The following TIAM1 variants were observed in gnomAD, a reference collection of about 807,000 sequenced individuals.
The protein encoded by TIAM1 is rho guanine nucleotide exchange factor TIAM1.
A neutral mutation model predicts 163.5 loss-of-function variants in TIAM1; 65 were observed. The ratio of observed to expected loss-of-function variants is 0.40; its 90% CI spans 0.33 to 0.49. TIAM1 has a LOEUF of 0.49. TIAM1 is among the 20% of genes least tolerant of loss of function. The pLI, the probability that TIAM1 is intolerant of heterozygous loss-of-function variation, is 0.77. For missense variants in TIAM1, 1,789 were observed against 2,044.7 expected, an observed-to-expected ratio of 0.87 and a Z score of 2.41; for synonymous variants, 833 against 810.1, an observed-to-expected ratio of 1.03 and a Z score of -0.48.
intron 2 of TIAM1, among the ~76,000 whole-genome samples, chr21:31,337,540 T>TTATTATTATTAC (rs1284120464): frequency 6.6e-6 from 1 of 150,692 alleles, no homozygotes; most frequent in Non-Finnish European, 1.5e-5. Flanking sequence ...ATTATTATTA[T>TTATTATTATTAC]TATTATTTTG....
At position 31,387,611 on chromosome 21, in the gene TIAM1, C is replaced by T. The variant is rs375950498; in HGVS notation, c.-368-48189G>A. On this transcript the variant is annotated intron_variant, in intron 2 of 28. Coordinates refer to the TIAM1 transcript ENST00000286827. ...AAAAGAGGAATCAGTCCTTGTCCCACGGAGGTAGCCAGCAAGGATGAAGGG... is the reference window on the plus strand; with the variant it reads ...AAAAGAGGAATCAGTCCTTGTCCCATGGAGGTAGCCAGCAAGGATGAAGGG... Among the ~76,000 whole-genome samples the T allele has an allele frequency of 6.3e-4, 96 of 152,194 alleles. No individual in the cohort carries two copies. In the Middle Eastern group the frequency reaches 0.017, roughly 27 times the overall value.
intron 1 of TIAM1, among the ~76,000 whole-genome samples, chr21:31,521,745 A>AACACACACACACACACACACACACACAC (rs35006738): frequency 2.7e-5 from 4 of 146,862 alleles, no homozygotes; most frequent in Non-Finnish European, 6.0e-5. Context: ...CTCACACACA[A>AACACACACACACACACACACACACACAC]ACACACACAC....
intron 24 of TIAM1, 67 bp from the exon 25 acceptor site, chr21:31,130,382 T>C (rs1012040444): frequency 7.6e-7 from 1 of 1,308,062 alleles, no homozygotes; most frequent in Non-Finnish European, 1.1e-6. Context: ...TCCCTGCATT[T>C]TCTAAACCAG....
intron 1 of TIAM1, among the ~76,000 whole-genome samples, chr21:31,487,663 T>C (rs973013445): frequency 8.6e-5 from 13 of 151,212 alleles, no homozygotes; most frequent in Non-Finnish European, 1.8e-4. Context: ...GTTCACGCCA[T>C]TCTCCTGCCT....
intron 20 of TIAM1, among the ~76,000 whole-genome samples, chr21:31,145,262 G>A (rs552860412): frequency 3.3e-5 from 5 of 152,154 alleles, no homozygotes; most frequent in African/African-American, 7.2e-5. Flanking sequence ...TCTGGGGCAG[G>A]CTCTTTGTTA....
chr21:31,404,511 C>A (rs972361727), intron 2 of TIAM1, among the ~76,000 whole-genome samples: 9 of 150,828 alleles, frequency 6.0e-5, no homozygotes, highest in Non-Finnish European at 1.3e-4. Flanking sequence ...AAGTGTATGC[C>A]AAGCTAATGA....
chr21:31,367,794 T>C (rs894673020), intron 2 of TIAM1, among the ~76,000 whole-genome samples: 57 of 152,240 alleles, frequency 3.7e-4, no homozygotes, highest in African/African-American at 1.3e-3. Flanking sequence ...TGTGTGTTGG[T>C]ATTATATTTT....
chr21:31,305,756 C>A (rs908491893), intron 2 of TIAM1, among the ~76,000 whole-genome samples: 4 of 152,186 alleles, frequency 2.6e-5, no homozygotes, highest in Non-Finnish European at 4.4e-5. Flanking sequence ...TCTAAACAGG[C>A]CTCATTTTTT....
intron 16 of TIAM1, among the ~76,000 whole-genome samples, chr21:31,163,984 G>A (rs1005001053): frequency 1.3e-5 from 2 of 152,210 alleles, no homozygotes; most frequent in Non-Finnish European, 2.9e-5. Context: ...GGGCAGTGTC[G>A]TTTGGATTCA....
At chr21:31,140,978 A>G (rs558185380) in intron 22 of TIAM1, 140 bp downstream of exon 22, 1 of 627,354 alleles carries the variant, frequency 1.6e-6, no homozygotes, top group East Asian at 2.8e-5. Context: ...GATAAAGCAC[A>G]GATGTTCCAC....
At position 31,120,028 on chromosome 21, in the gene TIAM1, T is replaced by C; in HGVS notation, c.*340A>G. 5.0e-6 allele frequency: 1 copy of C among 198,428 alleles called. No individual in the cohort carries two copies. 12.3% of individuals were successfully genotyped at this position (198,428 alleles called of 1,614,324 possible). A position where few individuals can be genotyped will look rare whatever the true frequency, so the allele number is the denominator to read the frequency against. The stretch of plus-strand genomic sequence containing the variant: ...TGTGCTACTATCCCTTAAATTAATC[T>C]GTTGTACATCCGTTAACTCCTGGGG... On this transcript the variant is annotated 3_prime_UTR_variant, in exon 28 of 28. Transcript: ENST00000541036. This position sits in a 1 kb window ranked among gnomAD's most constrained non-coding sequence, Gnocchi z 4.2.
intron 20 of TIAM1, 99 bp downstream of exon 20, chr21:31,146,796 C>A (rs2083140240): frequency 1.2e-6 from 1 of 861,940 alleles, no homozygotes; most frequent in Non-Finnish European, 1.9e-6. Flanking sequence ...TATCTGGCAA[C>A]CAATGACTCT....
chr21:31,245,477 G>A lies in TIAM1; in HGVS notation c.1584+11C>T. ...GTTTGAAATGCCCTGCAAAGGAAGT[G>A]CCCAACAAACCTGAAAAAGGAAGGC... On this transcript the variant is annotated intron_variant, in intron 6 of 27. Transcript: ENST00000541036. The A allele has an allele frequency of 6.8e-7, 1 of 1,470,896 alleles. No individual in the cohort carries two copies. Among genetic ancestry groups the A allele is most frequent in the Non-Finnish European group, 9.1e-7 (1 of 1,100,704 alleles). The allele number at this position is 1,470,896 out of a possible 1,614,324, so 91.1% of individuals were successfully genotyped here.
chr21:31,216,547 G>A (rs949562449), intron 9 of TIAM1, among the ~76,000 whole-genome samples: 20 of 152,122 alleles, frequency 1.3e-4, no homozygotes, highest in Non-Finnish European at 2.4e-4. Context: ...TCTCAAAGCC[G>A]AACGACAAGG....
intron 1 of TIAM1, among the ~76,000 whole-genome samples, chr21:31,518,988 A>T (rs2047475574): frequency 6.6e-6 from 1 of 152,162 alleles, no homozygotes; most frequent in Non-Finnish European, 1.5e-5. Context: ...TGAGGTCAGG[A>T]GTTCGAGACC....
intron 5 of TIAM1, among the ~76,000 whole-genome samples, chr21:31,249,735 G>A (rs1477404965): frequency 6.6e-6 from 1 of 152,166 alleles, no homozygotes; most frequent in East Asian, 1.9e-4. Flanking sequence ...ACATAACCCT[G>A]TAACACCTCC....
At chr21:31,218,560 C>T (rs1002225254) in intron 8 of TIAM1, among the ~76,000 whole-genome samples, 8 of 145,964 alleles carry the variant, frequency 5.5e-5, no homozygotes, top group Non-Finnish European at 7.4e-5. Flanking sequence ...CAGAACGAGA[C>T]TCTTTCTCAA....
intron 2 of TIAM1, among the ~76,000 whole-genome samples, chr21:31,356,308 T>C (rs565229764): frequency 6.6e-6 from 1 of 152,156 alleles, no homozygotes; most frequent in Non-Finnish European, 1.5e-5. Flanking sequence ...ACACAGATTA[T>C]TAATAATAAA....
intron 1 of TIAM1, among the ~76,000 whole-genome samples, chr21:31,505,916 G>A (rs1203383303): frequency 6.7e-6 from 1 of 149,564 alleles, no homozygotes; most frequent in African/African-American, 2.5e-5. Flanking sequence ...GGCTGAGGCA[G>A]GAAAAATGCT....
Sources: allele counts gnomAD v4.1 joint callset (sites outside exome capture counted in the v4.1 genomes callset), GRCh38; gene constraint gnomAD v4.1.1; non-coding constraint Gnocchi (gnomAD v3.1); transcripts MANE v1.5; gene names NCBI Gene and HGNC (gene_info 2026-07-23, HGNC 2026-07-21).